NCOR2: variants seen among roughly 807,000 people sequenced by gnomAD.
The protein encoded by NCOR2 is CTG repeat protein 26.
NCOR2 carries 81 observed loss-of-function variants against 262.9 expected under a neutral mutation model. That is an observed-to-expected ratio of 0.31 (90% CI 0.26 to 0.37). NCOR2 has a LOEUF of 0.37. Among genes scored for constraint, NCOR2 ranks in the 10% least tolerant of loss-of-function variants. The probability of loss-of-function intolerance (pLI) is 1.00; values close to 1 mark genes in which losing one functional copy is unlikely to be tolerated. For missense variants in NCOR2, 3,385 were observed against 3,621.4 expected, an observed-to-expected ratio of 0.93 and a Z score of 1.68; for synonymous variants, 1,659 against 1,559.3, an observed-to-expected ratio of 1.06 and a Z score of -1.51.
chr12:124,327,700 C>CA lies in NCOR2; in HGVS notation c.6959-68dup, dbSNP rs1324026905. 3.5e-6 allele frequency: 4 copies of CA among 1,142,374 alleles called. No homozygotes were observed. In the African/African-American group the frequency reaches 4.6e-5, roughly 13 times the overall value. The allele number at this position is 1,142,374 out of a possible 1,614,324, so 70.8% of individuals were successfully genotyped here. On this transcript the variant is annotated intron_variant, in intron 44 of 46. Coordinates refer to ENST00000405201, the Ensembl canonical transcript of NCOR2. ...CGGGGAGGGGGAGCCAGAGGGGCGA[C>CA]AGAGAGAGAGAAGGGAGAGAGAGAG...
chr12:124,337,074 G>T (rs775386457), exon 38 of NCOR2: 2 of 1,485,640 alleles, frequency 1.3e-6, no homozygotes, highest in Non-Finnish European at 1.8e-6. Flanking sequence ...AGCAAGACGG[G>T]CTCCATGAGG....
At chr12:124,348,391 G>T in intron 28 of NCOR2, 77 bp from the exon 31 acceptor site, 1 of 1,512,504 alleles carries the variant, frequency 6.6e-7, no homozygotes, top group Non-Finnish European at 8.9e-7. Flanking sequence ...GACAGGCAGA[G>T]CCGGTAGGCA....
At chr12:124,434,696 C>A (rs1014360599) in intron 8 of NCOR2, among the ~76,000 whole-genome samples, 1 of 152,176 alleles carries the variant, frequency 6.6e-6, no homozygotes, top group Non-Finnish European at 1.5e-5. Flanking sequence ...GGCAAGATCG[C>A]GCTGAATTGG....
intron 13 of NCOR2, among the ~76,000 whole-genome samples, chr12:124,406,665 G>A (rs1317573666): frequency 3.9e-5 from 6 of 152,174 alleles, no homozygotes; most frequent in African/African-American, 1.4e-4. Flanking sequence ...TTTGTGCCCT[G>A]TGCGTGGTCA....
At chr12:124,388,790 G>C (rs986636591) in intron 16 of NCOR2, 4 of 1,302,136 alleles carry the variant, frequency 3.1e-6, no homozygotes, top group African/African-American at 3.0e-5. Context: ...GGGCGGCCGC[G>C]GTCGGCTCTG....
upstream of NCOR2, chr12:124,495,261 G>A (rs1434069180): frequency 1.2e-6 from 2 of 1,609,128 alleles, no homozygotes; most frequent in East Asian, 4.5e-5. The surrounding 1 kb of genome is among the most constrained non-coding windows in gnomAD (Gnocchi z 4.4). Context: ...TGGTGGTGGG[G>A]GTCGGCGGGG....
intron 1 of NCOR2, among the ~76,000 whole-genome samples, chr12:124,525,957 T>C (rs575575822): frequency 6.6e-5 from 10 of 152,220 alleles, no homozygotes; most frequent in African/African-American, 2.4e-4. Flanking sequence ...ACGTTAGAAA[T>C]TGTAGTTAAT....
At chr12:124,540,017 CAACA>C (rs1168306568), upstream of NCOR2, among the ~76,000 whole-genome samples, 1 of 152,104 alleles carries the variant, frequency 6.6e-6, no homozygotes, top group African/African-American at 2.4e-5. Context: ...TTCAGCTGCT[CAACA>C]AACAGAGGGG....
intron 1 of NCOR2, among the ~76,000 whole-genome samples, chr12:124,506,990 G>A (rs1235884648): frequency 6.6e-6 from 1 of 152,158 alleles, no homozygotes; most frequent in Admixed American, 6.5e-5. Context: ...ACGGGGTTGG[G>A]GTCCTGGGTC....
intron 1 of NCOR2, among the ~76,000 whole-genome samples, chr12:124,560,031 C>T (rs937263413): frequency 1.3e-5 from 2 of 152,204 alleles, no homozygotes; most frequent in African/African-American, 2.4e-5. Flanking sequence ...TGAGCATCAG[C>T]GTAACTCAGC....
intron 14 of NCOR2, among the ~76,000 whole-genome samples, chr12:124,401,170 C>A (rs2041966408): frequency 6.6e-6 from 1 of 150,898 alleles, no homozygotes; most frequent in Admixed American, 6.6e-5. Context: ...ATGATTATAC[C>A]ACTGCACTCC....
chr12:124,400,723 C>T (rs1224742819), intron 14 of NCOR2, 50 bp from the exon 17 acceptor site: 1 of 1,598,330 alleles, frequency 6.3e-7, no homozygotes, highest in East Asian at 2.2e-5. Flanking sequence ...GCCGGGAAAT[C>T]AAACAGCCAC....
chr12:124,491,108 A>G (rs1226526250), intron 1 of NCOR2, among the ~76,000 whole-genome samples: 1 of 152,198 alleles, frequency 6.6e-6, no homozygotes, highest in East Asian at 1.9e-4. Flanking sequence ...CTGCTTTCAC[A>G]CCATACGGGC....
chr12:124,329,108 G>A (rs1308681781), intron 44 of NCOR2: 1 of 470,476 alleles, frequency 2.1e-6, no homozygotes, highest in East Asian at 6.9e-5. Context: ...TCTGACACAG[G>A]TTGAGTGGCA....
rs2052246367 is a variant in NCOR2 at position 124,566,552 on chromosome 12, A to G, written c.-165+756T>C. On this transcript the variant is annotated intron_variant, in intron 1 of 32. Transcript: ENST00000458234. This position sits in a 1 kb window ranked among gnomAD's most constrained non-coding sequence, Gnocchi z 4.3. Reference sequence around the variant, plus strand: ...CCTCTGAGGAAGCTGCCCTCTAGACAAGGGTCTGGGTCTTCCCAGTCGTGC... The same window carrying G: ...CCTCTGAGGAAGCTGCCCTCTAGACGAGGGTCTGGGTCTTCCCAGTCGTGC... Among the ~76,000 whole-genome samples, 1 of 152,136 alleles carries G rather than the reference A, an allele frequency of 6.6e-6. No homozygotes were observed. The highest frequency in any genetic ancestry group is 1.5e-5 in the Non-Finnish European group (1 of 68,030).
intron 35 of NCOR2, 34 bp downstream of exon 37, chr12:124,340,568 G>T: frequency 1.3e-6 from 2 of 1,514,078 alleles, no homozygotes; most frequent in Non-Finnish European, 1.8e-6. Flanking sequence ...CATGGATGCC[G>T]GGGTCCCCAC....
chr12:124,406,243 C>A (rs1593398443), intron 13 of NCOR2, among the ~76,000 whole-genome samples: 2 of 152,198 alleles, frequency 1.3e-5, no homozygotes, highest in African/African-American at 4.8e-5. Flanking sequence ...ACTTTATTTA[C>A]AAAAGCAGGT....
chr12:124,380,099 C>T (rs746950511), intron 17 of NCOR2, among the ~76,000 whole-genome samples: 3 of 152,230 alleles, frequency 2.0e-5, no homozygotes, highest in Admixed American at 6.5e-5. Flanking sequence ...CATCCCTCTG[C>T]GCTGGTGCAC....
chr12:124,334,473 C>A, exon 41 of NCOR2: 1 of 1,472,516 alleles, frequency 6.8e-7, no homozygotes, highest in Non-Finnish European at 9.0e-7. Flanking sequence ...GCACCATGGT[C>A]CGGGGGCGGG....
Sources: gnomAD v4.1 joint callset for allele counts (sites outside exome capture counted in the v4.1 genomes callset) on GRCh38, gnomAD v4.1.1 for gene constraint, Gnocchi (gnomAD v3.1) non-coding constraint, MANE v1.5 for transcripts, NCBI Gene and HGNC (gene_info 2026-07-23, HGNC 2026-07-21) for gene names.